The following GAS2 variants were observed in gnomAD, a reference collection of about 807,000 sequenced individuals.
GAS2 encodes the protein growth arrest specific 2.
A neutral mutation model predicts 37.5 loss-of-function variants in GAS2; 20 were observed. That is an observed-to-expected ratio of 0.53 (90% CI 0.37 to 0.77). GAS2 has a LOEUF of 0.77. Among genes scored for constraint, GAS2 ranks in the 30% least tolerant of loss-of-function variants. GAS2 has a pLI of 0.00. For synonymous variants in GAS2, 144 were observed against 132.2 expected (o/e 1.09, Z -0.61); for missense variants, 336 against 373.4 (o/e 0.90, Z 0.82).
At chr11:22,629,658 G>T (rs550181348) in intron 1 of GAS2, among the ~76,000 whole-genome samples, 3 of 150,676 alleles carry the variant, frequency 2.0e-5, no homozygotes, top group African/African-American at 4.9e-5. Context: ...GGGATTATTG[G>T]TTTTTTTTTC....
At chr11:22,650,689 T>C (rs1214655811) in intron 1 of GAS2, among the ~76,000 whole-genome samples, 2 of 152,126 alleles carry the variant, frequency 1.3e-5, no homozygotes, top group Non-Finnish European at 2.9e-5. Context: ...TCTTTGTCTC[T>C]TTTGATCTTT....
At chr11:22,793,793 G>T (rs1349059192) in intron 7 of GAS2, among the ~76,000 whole-genome samples, 2 of 152,162 alleles carry the variant, frequency 1.3e-5, no homozygotes, top group Admixed American at 6.5e-5. Flanking sequence ...TTCAAATAAT[G>T]TGTAATATGA....
At chr11:22,679,767 A>C (rs1434806028) in intron 2 of GAS2, among the ~76,000 whole-genome samples, 1 of 152,120 alleles carries the variant, frequency 6.6e-6, no homozygotes, top group Non-Finnish European at 1.5e-5. Flanking sequence ...TTGTTCTTAA[A>C]GCTTATAGAT....
intron 7 of GAS2, among the ~76,000 whole-genome samples, chr11:22,787,340 A>G (rs1386332023): frequency 6.6e-6 from 1 of 152,208 alleles, no homozygotes; most frequent in Non-Finnish European, 1.5e-5. Flanking sequence ...GAAGCATTAA[A>G]TGAGATAAAG....
chr11:22,724,187 A>C (rs11026752), intron 3 of GAS2, among the ~76,000 whole-genome samples: 21,250 of 151,972 alleles, frequency 0.14, 1,674 homozygotes, highest in East Asian at 0.2. Context: ...TACATACATC[A>C]TAAAATGATC....
At chr11:22,686,948 G>A (rs1209957291) in intron 3 of GAS2, among the ~76,000 whole-genome samples, 1 of 151,872 alleles carries the variant, frequency 6.6e-6, no homozygotes, top group East Asian at 1.9e-4. Context: ...TTTCTTAAAA[G>A]CAGCTCTGTG....
intron 7 of GAS2, among the ~76,000 whole-genome samples, chr11:22,773,472 C>G (rs1054709535): frequency 7.0e-6 from 1 of 143,180 alleles, no homozygotes; most frequent in Admixed American, 7.4e-5. Context: ...CGGCTCACTG[C>G]AAGCTCCGCC....
intron 5 of GAS2, among the ~76,000 whole-genome samples, chr11:22,743,642 G>A (rs1197387682): frequency 1.3e-5 from 2 of 152,018 alleles, no homozygotes; most frequent in Non-Finnish European, 2.9e-5. Context: ...AACAGACCTT[G>A]AGAACAGGCC....
intron 3 of GAS2, among the ~76,000 whole-genome samples, chr11:22,714,488 G>A (rs1253916675): frequency 6.6e-6 from 1 of 152,048 alleles, no homozygotes; most frequent in East Asian, 1.9e-4. Flanking sequence ...AGTCAACAAA[G>A]AAACAGTGGA....
At chr11:22,809,912 A>G (rs1342219910) in intron 7 of GAS2, among the ~76,000 whole-genome samples, 2 of 152,166 alleles carry the variant, frequency 1.3e-5, no homozygotes, top group Non-Finnish European at 2.9e-5. Flanking sequence ...TATCTGCTTT[A>G]TATTTCAGGG....
intron 1 of GAS2, among the ~76,000 whole-genome samples, chr11:22,654,942 C>T (rs755178309): frequency 8.6e-5 from 13 of 151,990 alleles, no homozygotes; most frequent in Non-Finnish European, 2.9e-5. Context: ...ATGTAGTGTG[C>T]GATGCTTAAA....
Position 22,717,104 on chromosome 11 carries a change from A to G in GAS2, c.268-9188A>G, listed in dbSNP as rs375054612. Among the ~76,000 whole-genome samples, 12 of 150,558 alleles carry G rather than the reference A, an allele frequency of 8.0e-5. No homozygotes were observed. In the East Asian group the frequency reaches 2.0e-3, roughly 25 times the overall value. On this transcript the variant is annotated intron_variant, in intron 3 of 7. Coordinates refer to ENST00000454584, the MANE Select transcript of GAS2 (RefSeq NM_001143830.3). ...AATCTACAAATTCAATGTAATTCCC[A>G]TCAAAATACAATCATCATTCTTCAC...
intron 6 of GAS2, among the ~76,000 whole-genome samples, chr11:22,753,779 T>C (rs1444777398): frequency 6.6e-6 from 1 of 152,120 alleles, no homozygotes; most frequent in Non-Finnish European, 1.5e-5. Context: ...ATATTTTACA[T>C]GTATATACAC....
At chr11:22,635,056 G>A (rs545910285) in intron 1 of GAS2, among the ~76,000 whole-genome samples, 24 of 152,246 alleles carry the variant, frequency 1.6e-4, no homozygotes, top group Non-Finnish European at 2.6e-4. Context: ...GCCAGGAGGC[G>A]GTGCTTGCAA....
At chr11:22,700,469 A>G (rs905306474) in intron 3 of GAS2, among the ~76,000 whole-genome samples, 1 of 152,194 alleles carries the variant, frequency 6.6e-6, no homozygotes, top group Admixed American at 6.6e-5. Context: ...TGAGAATTTT[A>G]GAATGGTCTA....
intron 7 of GAS2, among the ~76,000 whole-genome samples, chr11:22,791,566 T>C (rs1856164878): frequency 6.6e-6 from 1 of 152,236 alleles, no homozygotes; most frequent in Non-Finnish European, 1.5e-5. Flanking sequence ...TTAACATTAA[T>C]TAATTTTCTT....
chr11:22,713,643 CA>C (rs1281269908), intron 3 of GAS2, among the ~76,000 whole-genome samples: 3 of 152,152 alleles, frequency 2.0e-5, no homozygotes, highest in Admixed American at 6.5e-5. Context: ...TAAAACCTAT[CA>C]GATTAACAGG....
chr11:22,721,565 T>C (rs760637433), intron 3 of GAS2, among the ~76,000 whole-genome samples: 9 of 151,910 alleles, frequency 5.9e-5, no homozygotes, highest in Admixed American at 3.3e-4. Context: ...TAAATTCACT[T>C]CTCCCACTAT....
At chr11:22,777,428 TATTC>T (rs1197500694) in intron 7 of GAS2, among the ~76,000 whole-genome samples, 1 of 152,172 alleles carries the variant, frequency 6.6e-6, no homozygotes, top group Non-Finnish European at 1.5e-5. Context: ...TTAGAGTACA[TATTC>T]ATTCAACAAA....
Sources: allele counts gnomAD v4.1 joint callset (sites outside exome capture counted in the v4.1 genomes callset), GRCh38; gene constraint gnomAD v4.1.1; transcripts MANE v1.5; gene names NCBI Gene and HGNC (gene_info 2026-07-23, HGNC 2026-07-21).